ADAMTS10: variants seen among roughly 807,000 people sequenced by gnomAD.
ADAMTS10 encodes the protein ADAM metallopeptidase with thrombospondin type 1 motif 10.
ADAMTS10 carries 48 observed loss-of-function variants against 135.9 expected under a neutral mutation model. That is an observed-to-expected ratio of 0.35 (90% CI 0.28 to 0.45). The LOEUF is 0.45. Ranked by LOEUF, ADAMTS10 falls within the 20% of genes least tolerant of loss-of-function variation. The pLI is 1.00. For synonymous variants in ADAMTS10, 621 were observed against 647.5 expected, an observed-to-expected ratio of 0.96 and a Z score of 0.62; for missense variants, 1,131 against 1,565.2, an observed-to-expected ratio of 0.72 and a Z score of 4.68.
At chr19:8,603,375 A>T (rs2042686933) in intron 5 of ADAMTS10, among the ~76,000 whole-genome samples, 1 of 152,106 alleles carries the variant, frequency 6.6e-6, no homozygotes, top group Non-Finnish European at 1.5e-5. Context: ...CCCGGGTTCA[A>T]GTGATTCTCC....
chr19:8,587,508 C>A (rs1343235530), intron 18 of ADAMTS10, among the ~76,000 whole-genome samples: 4 of 148,910 alleles, frequency 2.7e-5, no homozygotes, highest in African/African-American at 9.9e-5. Context: ...ACTCTGTCAC[C>A]CAGGTTGGAG....
chr19:8,608,548 C>T (rs1555742963), intron 1 of ADAMTS10, among the ~76,000 whole-genome samples: 2 of 152,118 alleles, frequency 1.3e-5, no homozygotes, highest in African/African-American at 4.8e-5. Context: ...CTGAGCCACC[C>T]CTGAAAGGTA....
intron 22 of ADAMTS10, 79 bp from the exon 23 acceptor site, chr19:8,585,739 C>T: frequency 7.2e-7 from 1 of 1,383,226 alleles, no homozygotes; most frequent in Non-Finnish European, 1.0e-6. Flanking sequence ...TATAGCCTAC[C>T]CCCACCCTTC....
chr19:8,591,846 T>C lies in ADAMTS10; in HGVS notation c.1751A>G (p.Lys584Arg). 1 of 1,613,638 alleles carries C rather than the reference T, an allele frequency of 6.2e-7. No individual in the cohort carries two copies. The highest frequency in any genetic ancestry group is 8.5e-7 in the Non-Finnish European group (1 of 1,179,992). The change falls in exon 15 of 26, where the codon AAG becomes AGG. Residue 584 changes from lysine to arginine, a missense_variant. By Grantham distance (26) the Lys-to-Arg change is conservative. Transcript: ENST00000597188. ...CCGCCTTCTCTCACCCAGACAGTAC[T>C]TGCCCCCGATGGTTGGCCTGGAAAG... ...CDSPRPTIGG[K>R]YCLGERRRHR...
Position 8,592,879 on chromosome 19 carries a change from C to T in ADAMTS10, c.1480-9G>A. 6.2e-7 allele frequency: 1 copy of T among 1,608,238 alleles called. No homozygotes were observed. ...AGCTCGCTGCAGACCTCCTGCGGGC[C>T]GAGGTGCCCGCTCAGGCTCGCCCCC... On this transcript the variant is annotated splice_polypyrimidine_tract_variant and intron_variant, in intron 12 of 25. Transcript: ENST00000597188.
At chr19:8,590,036 G>T in intron 15 of ADAMTS10, 45 bp from the exon 16 acceptor site, 1 of 1,378,434 alleles carries the variant, frequency 7.3e-7, no homozygotes, top group Admixed American at 1.7e-5. Flanking sequence ...GGCTTGGGGG[G>T]ATGGAGTCAG....
intron 22 of ADAMTS10, among the ~76,000 whole-genome samples, 165 bp from the exon 23 acceptor site, chr19:8,585,825 C>G (rs1032448166): frequency 4.6e-5 from 7 of 152,144 alleles, no homozygotes; most frequent in African/African-American, 1.7e-4. Flanking sequence ...TAGCCTGCAC[C>G]CAGACTGGGG....
intron 6 of ADAMTS10, among the ~76,000 whole-genome samples, chr19:8,599,168 T>C (rs1371678339): frequency 1.3e-5 from 2 of 151,978 alleles, no homozygotes; most frequent in East Asian, 3.9e-4. Context: ...GAATCTCGCC[T>C]GAGATCTAGG....
intron 15 of ADAMTS10, among the ~76,000 whole-genome samples, chr19:8,591,013 G>A (rs1159202362): frequency 6.6e-6 from 1 of 152,176 alleles, no homozygotes. Flanking sequence ...AAAGTCCAAA[G>A]CTCTCACTGC....
rs1343722782 is a variant in ADAMTS10, at chr19:8,597,220, G to T, written c.894+14C>A. 2 of 1,614,110 alleles carry T rather than the reference G, an allele frequency of 1.2e-6. No individual in the cohort carries two copies. The highest frequency in any genetic ancestry group is 2.7e-5 in the African/African-American group (2 of 75,046). On this transcript the variant is annotated intron_variant, in intron 7 of 25. Transcript: ENST00000597188. ...GTATGAAGGGGAAGGGGAAGGGGAG[G>T]AAGTCCCCCGCACCTGGTCCTCCGT...
At chr19:8,595,364 T>C (rs1297376908) in intron 12 of ADAMTS10, among the ~76,000 whole-genome samples, 1 of 152,108 alleles carries the variant, frequency 6.6e-6, no homozygotes, top group Admixed American at 6.5e-5. Flanking sequence ...CTTTGCCAAG[T>C]AGGAAAGATG....
In ADAMTS10 at chr19:8,581,013, G is replaced by A. The variant is rs1476670032; in HGVS notation, c.3203-11C>T. ...TCACATCCTTGCACTCTGCGGGGACGGGAGAAGGAAGGAAAAATCAGGTCT... is the reference window on the plus strand; with the variant it reads ...TCACATCCTTGCACTCTGCGGGGACAGGAGAAGGAAGGAAAAATCAGGTCT... On this transcript the variant is annotated splice_polypyrimidine_tract_variant and intron_variant, in intron 25 of 25. Transcript: ENST00000597188. The A allele has an allele frequency of 6.2e-7, 1 of 1,604,608 alleles. No individual in the cohort carries two copies.
At chr19:8,606,654 C>T (rs2042725285) in intron 2 of ADAMTS10, among the ~76,000 whole-genome samples, 1 of 152,128 alleles carries the variant, frequency 6.6e-6, no homozygotes, top group Non-Finnish European at 1.5e-5. Flanking sequence ...ACTCGTATCC[C>T]TCATCTTTTT....
intron 2 of ADAMTS10, among the ~76,000 whole-genome samples, chr19:8,607,418 C>T (rs1054035931): frequency 2.4e-4 from 37 of 152,242 alleles, no homozygotes; most frequent in Admixed American, 5.9e-4. Flanking sequence ...CAGCCCGCCC[C>T]GCAGGTCTCA....
At position 8,598,272 on chromosome 19, in the gene ADAMTS10, G is replaced by A. The variant is rs1300997002; in HGVS notation, c.811-955C>T. On this transcript the variant is annotated intron_variant, in intron 6 of 25. Coordinates refer to ENST00000597188, the MANE Select transcript of ADAMTS10 (RefSeq NM_030957.4). ...TTTCTTTCAGACTCCTCCAAGCTCA[G>A]CTTATCTACTTGTCCCCCAACCCCT... Among the ~76,000 whole-genome samples, 4 of 152,258 alleles carry A rather than the reference G, an allele frequency of 2.6e-5. No individual in the cohort carries two copies. The East Asian group carries it at 5.8e-4, about 22-fold the overall frequency.
chr19:8,601,963 C>A lies in ADAMTS10; in HGVS notation c.593-818G>T, dbSNP rs2042673549. ...TCCCATGATGACCAGCATGATTGTA[C>A]AATCCACTGACAATTCCACTGCCCG... On this transcript the variant is annotated intron_variant, in intron 5 of 25. Transcript: ENST00000597188. This position sits in a 1 kb window ranked among gnomAD's most constrained non-coding sequence, Gnocchi z 4.6. Among the ~76,000 whole-genome samples the A allele has an allele frequency of 6.6e-6, 1 of 152,014 alleles. No individual in the cohort carries two copies.
intron 5 of ADAMTS10, among the ~76,000 whole-genome samples, chr19:8,603,291 T>A (rs1298090240): frequency 6.6e-6 from 1 of 152,188 alleles, no homozygotes; most frequent in Non-Finnish European, 1.5e-5. Context: ...TTTTTTCTTT[T>A]TGAGACGGAG....
chr19:8,600,692 G>A (rs1376629691), intron 6 of ADAMTS10, among the ~76,000 whole-genome samples: 4 of 151,898 alleles, frequency 2.6e-5, no homozygotes, highest in Admixed American at 6.6e-5. Context: ...TAGAGATGGG[G>A]TTTCACCGTG....
intron 6 of ADAMTS10, among the ~76,000 whole-genome samples, chr19:8,600,664 A>C (rs1388624105): frequency 3.3e-5 from 5 of 151,318 alleles, no homozygotes; most frequent in African/African-American, 1.2e-4. Context: ...ACACTCGGCT[A>C]ATTTTTTGTA....
Sources: allele counts gnomAD v4.1 joint callset (sites outside exome capture counted in the v4.1 genomes callset), GRCh38; gene constraint gnomAD v4.1.1; non-coding constraint Gnocchi (gnomAD v3.1); transcripts MANE v1.5; gene names NCBI Gene and HGNC (gene_info 2026-07-23, HGNC 2026-07-21).